Variants in CELF2 observed in about 807,000 individuals in gnomAD.
CELF2 encodes the protein CUG triplet repeat RNA-binding protein 2.
A neutral mutation model predicts 62.6 loss-of-function variants in CELF2; 8 were observed. The observed-to-expected ratio is 0.13, with a 90% confidence interval of 0.07 to 0.23. The LOEUF is 0.23. Ranked by LOEUF, CELF2 falls within the 10% of genes least tolerant of loss-of-function variation. The pLI is 1.00. For missense variants in CELF2, 333 were observed against 671.0 expected, an observed-to-expected ratio of 0.50 and a Z score of 5.56; for synonymous variants, 258 against 250.0, an observed-to-expected ratio of 1.03 and a Z score of -0.30.
the CELF2 span, among the ~76,000 whole-genome samples, chr10:10,569,484 TG>T: frequency 6.6e-6 from 1 of 152,146 alleles, no homozygotes; most frequent in African/African-American, 2.4e-5. Context: ...ATAGGAATTA[TG>T]GGAGCTACAA....
At chr10:11,261,719 C>T (rs186894611) in intron 5 of CELF2, among the ~76,000 whole-genome samples, 90 of 152,330 alleles carry the variant, frequency 5.9e-4, no homozygotes, top group African/African-American at 2.1e-3. Flanking sequence ...TTTCAAGCAA[C>T]TTTGGGATGC....
chr10:10,544,978 G>C, the CELF2 span, among the ~76,000 whole-genome samples: 1 of 152,154 alleles, frequency 6.6e-6, no homozygotes, highest in Admixed American at 6.5e-5. Context: ...CAAAGTCATC[G>C]TTAAGATTCT....
the CELF2 span, among the ~76,000 whole-genome samples, chr10:10,642,560 G>A: frequency 6.6e-6 from 1 of 152,324 alleles, no homozygotes; most frequent in Admixed American, 6.5e-5. Flanking sequence ...TTTTGAAACA[G>A]AAAATCTCTA....
At chr10:11,312,296 A>G (rs1344921062) in intron 9 of CELF2, among the ~76,000 whole-genome samples, 3 of 152,272 alleles carry the variant, frequency 2.0e-5, no homozygotes, top group Admixed American at 1.3e-4. Context: ...AAACTAAAGG[A>G]TAAATAACCC....
At chr10:10,996,783 C>G (rs1414206255) in intron 2 of CELF2, among the ~76,000 whole-genome samples, 1 of 152,080 alleles carries the variant, frequency 6.6e-6, no homozygotes, top group African/African-American at 2.4e-5. Context: ...TTGTTGCCCT[C>G]AACTTTTTTC....
chr10:10,483,886 C>T, the CELF2 span, among the ~76,000 whole-genome samples: 1 of 151,542 alleles, frequency 6.6e-6, no homozygotes, highest in South Asian at 2.1e-4. Context: ...TTCTCTCTCT[C>T]TCGTCTCTCT....
chr10:10,863,644 T>C (rs1289442408), intron 1 of CELF2, among the ~76,000 whole-genome samples: 2 of 152,140 alleles, frequency 1.3e-5, no homozygotes, highest in African/African-American at 4.8e-5. Context: ...ACAATTACTT[T>C]TGCACCAACC....
At chr10:10,729,684 C>T in the CELF2 span, among the ~76,000 whole-genome samples, 5 of 151,790 alleles carry the variant, frequency 3.3e-5, no homozygotes, top group African/African-American at 1.2e-4. Flanking sequence ...GAGGCTGAGG[C>T]ACAAGAATTG....
At chr10:11,135,389 A>G (rs1027626288) in intron 1 of CELF2, among the ~76,000 whole-genome samples, 1 of 152,262 alleles carries the variant, frequency 6.6e-6, no homozygotes. Context: ...GCCCAGGCCA[A>G]GTGCATGGCT....
chr10:10,533,364 T>C, the CELF2 span, among the ~76,000 whole-genome samples: 3 of 152,316 alleles, frequency 2.0e-5, no homozygotes, highest in Non-Finnish European at 4.4e-5. Flanking sequence ...AGAACGAGAG[T>C]ACAATTTTCT....
intron 1 of CELF2, among the ~76,000 whole-genome samples, chr10:11,043,900 C>A (rs1393494603): frequency 6.6e-6 from 1 of 152,202 alleles, no homozygotes; most frequent in Non-Finnish European, 1.5e-5. Context: ...CAGCCACAGA[C>A]CGCCTGCCGC....
intron 9 of CELF2, among the ~76,000 whole-genome samples, chr10:11,293,576 C>T (rs995359302): frequency 6.6e-6 from 1 of 152,174 alleles, no homozygotes. Context: ...GCTGGCCAGG[C>T]GTTCTGCAGA....
At chr10:10,913,891 A>AAGAAGGAAGGG (rs2064075463) in intron 1 of CELF2, among the ~76,000 whole-genome samples, 2 of 102,770 alleles carry the variant, frequency 1.9e-5, no homozygotes, top group Non-Finnish European at 3.8e-5. Flanking sequence ...AGGAAGAAGG[A>AAGAAGGAAGGG]AGGGAGGGAG....
the CELF2 span, among the ~76,000 whole-genome samples, chr10:10,774,354 G>A: frequency 6.6e-6 from 1 of 152,184 alleles, no homozygotes; most frequent in African/African-American, 2.4e-5. Flanking sequence ...GATACAGTTT[G>A]GATCTGGGTT....
At chr10:10,659,954 G>A in the CELF2 span, among the ~76,000 whole-genome samples, 4 of 152,126 alleles carry the variant, frequency 2.6e-5, no homozygotes, top group Non-Finnish European at 2.9e-5. Context: ...AGAGAGAGAG[G>A]TGGCGTGACG....
chr10:11,202,465 G>T (rs560357823), intron 2 of CELF2, among the ~76,000 whole-genome samples: 2 of 152,196 alleles, frequency 1.3e-5, no homozygotes, highest in African/African-American at 4.8e-5. Context: ...TGAGCTTTTC[G>T]TAGCAAATTT....
chr10:10,999,249 C>CCGAA (rs1286596205), intron 2 of CELF2, among the ~76,000 whole-genome samples: 4 of 152,318 alleles, frequency 2.6e-5, no homozygotes, highest in Admixed American at 2.6e-4. Flanking sequence ...AATCCATCCT[C>CCGAA]CGAACAAATG....
intron 2 of CELF2, among the ~76,000 whole-genome samples, chr10:10,968,509 T>C (rs916419089): frequency 8.5e-5 from 13 of 152,176 alleles, no homozygotes; most frequent in South Asian, 2.1e-4. Context: ...ACCCAATGAG[T>C]ATTGTATATT....
chr10:10,579,863 ATG>A, the CELF2 span, among the ~76,000 whole-genome samples: 14 of 124,742 alleles, frequency 1.1e-4, no homozygotes, highest in African/African-American at 3.6e-4. Context: ...ACACACACAC[ATG>A]CACACACTCC....
Sources: allele counts gnomAD v4.1 joint callset (sites outside exome capture counted in the v4.1 genomes callset), GRCh38; gene constraint gnomAD v4.1.1; transcripts MANE v1.5; gene names NCBI Gene and HGNC (gene_info 2026-07-23, HGNC 2026-07-21).